Variants in ZDHHC14 observed in about 807,000 individuals in gnomAD.
ZDHHC14 encodes palmitoyltransferase ZDHHC14.
Under a neutral mutation model 47.7 loss-of-function variants are expected in ZDHHC14, and 16 were observed. That is an observed-to-expected ratio of 0.34 (90% CI 0.23 to 0.51). The LOEUF is 0.51. Ranked by LOEUF, ZDHHC14 falls within the 20% of genes least tolerant of loss-of-function variation. ZDHHC14 has a pLI of 0.97. For missense variants in ZDHHC14, 515 were observed against 662.5 expected, an observed-to-expected ratio of 0.78 and a Z score of 2.44; for synonymous variants, 293 against 278.9, an observed-to-expected ratio of 1.05 and a Z score of -0.50.
chr6:157,588,783 G>A lies in ZDHHC14; in HGVS notation c.407-4205G>A, dbSNP rs1472981091. 2.0e-5 allele frequency among the ~76,000 whole-genome samples: 3 copies of A among 152,126 alleles called. No individual in the cohort carries two copies. In the East Asian group the frequency reaches 5.8e-4, roughly 29 times the overall value. Reference sequence around the variant, plus strand: ...CACATAGGAATGTGTGGACTGGGGAGTATTTACTGGCACCCCACAGTGGGG... The same window carrying A: ...CACATAGGAATGTGTGGACTGGGGAATATTTACTGGCACCCCACAGTGGGG... On this transcript the variant is annotated intron_variant, in intron 2 of 8. Coordinates refer to ENST00000359775, the MANE Select transcript of ZDHHC14 (RefSeq NM_024630.3).
intron 3 of ZDHHC14, among the ~76,000 whole-genome samples, chr6:157,598,053 T>C (rs947240144): frequency 2.6e-5 from 4 of 152,232 alleles, no homozygotes; most frequent in Admixed American, 6.5e-5. Flanking sequence ...TGTCCCACAG[T>C]GTCTGCCCCT....
At position 157,444,920 on chromosome 6, in the gene ZDHHC14, C is replaced by A. The variant is rs373465508; in HGVS notation, c.245+62654C>A. Among the ~76,000 whole-genome samples the A allele has an allele frequency of 1.2e-3, 178 of 152,154 alleles. 2 individuals carry two copies. The South Asian group carries it at 0.034, about 29-fold the overall frequency. ...CAGGCAGGAGCATCAATGTACTGAT[C>A]AAGGCAAAGCCCAGAAGTGGGCATG... On this transcript the variant is annotated intron_variant, in intron 1 of 8. Transcript: ENST00000359775.
At chr6:157,388,846 C>T (rs368332977) in intron 1 of ZDHHC14, among the ~76,000 whole-genome samples, 2 of 152,174 alleles carry the variant, frequency 1.3e-5, no homozygotes, top group East Asian at 3.9e-4. Flanking sequence ...CACATCAATG[C>T]TTTGAGTCTA....
chr6:157,672,632 C>T (rs1374768652), intron 8 of ZDHHC14, 92 bp from the exon 9 acceptor site: 3 of 288,612 alleles, frequency 1.0e-5, no homozygotes, highest in Admixed American at 5.9e-5. Flanking sequence ...GCACCCCACC[C>T]TCCCCGCCCG....
intron 1 of ZDHHC14, among the ~76,000 whole-genome samples, chr6:157,496,462 T>G (rs1780068218): frequency 6.6e-6 from 1 of 152,212 alleles, no homozygotes; most frequent in Non-Finnish European, 1.5e-5. Flanking sequence ...TGACCTTATT[T>G]GGGACATTGG....
intron 1 of ZDHHC14, among the ~76,000 whole-genome samples, chr6:157,470,102 G>A (rs988454314): frequency 4.6e-5 from 7 of 152,200 alleles, no homozygotes; most frequent in African/African-American, 9.7e-5. Context: ...GGTACTCTCT[G>A]ATGAAAAATT....
chr6:157,622,716 G>A (rs1785243192), intron 3 of ZDHHC14, among the ~76,000 whole-genome samples: 1 of 152,098 alleles, frequency 6.6e-6, no homozygotes, highest in Non-Finnish European at 1.5e-5. Context: ...AGCCTTCTCA[G>A]AACGTATGCA....
At chr6:157,418,015 C>T (rs1355863539) in intron 1 of ZDHHC14, among the ~76,000 whole-genome samples, 3 of 151,970 alleles carry the variant, frequency 2.0e-5, no homozygotes, top group Admixed American at 1.3e-4. Context: ...CCTGTTGGTC[C>T]ATCTGCTTAG....
chr6:157,409,705 C>T (rs548139195), intron 1 of ZDHHC14, among the ~76,000 whole-genome samples: 1 of 152,344 alleles, frequency 6.6e-6, no homozygotes, highest in East Asian at 1.9e-4. Context: ...TTTCCTCCTT[C>T]CTCTTCTTCA....
At chr6:157,625,596 G>T (rs111976851) in intron 3 of ZDHHC14, among the ~76,000 whole-genome samples, 5 of 152,056 alleles carry the variant, frequency 3.3e-5, no homozygotes, top group Non-Finnish European at 5.9e-5. Flanking sequence ...GGGAGAGCAC[G>T]CAGGCTCGAG....
chr6:157,639,989 TGTC>T (rs768289757), intron 5 of ZDHHC14, among the ~76,000 whole-genome samples: 4 of 152,180 alleles, frequency 2.6e-5, no homozygotes, highest in Admixed American at 6.5e-5. Flanking sequence ...TCAATGAGAA[TGTC>T]GCAGCCTCAT....
chr6:157,648,808 G>A (rs911575596), intron 7 of ZDHHC14, among the ~76,000 whole-genome samples: 24 of 152,316 alleles, frequency 1.6e-4, no homozygotes, highest in South Asian at 4.1e-4. Context: ...TTGTCACAGC[G>A]TCCATGGTGC....
chr6:157,382,319 C>A, intron 1 of ZDHHC14, 53 bp downstream of exon 1: 1 of 1,581,362 alleles, frequency 6.3e-7, no homozygotes, highest in East Asian at 2.3e-5. Flanking sequence ...TCTCCCCTGT[C>A]CCCCGCCCCT....
intron 1 of ZDHHC14, among the ~76,000 whole-genome samples, chr6:157,540,904 G>GTA (rs1423918688): frequency 4.0e-5 from 5 of 126,230 alleles, no homozygotes; most frequent in African/African-American, 2.3e-4. Context: ...GTGTGTGTGT[G>GTA]TGTGTGTATA....
intron 2 of ZDHHC14, chr6:157,592,686 G>A: frequency 9.4e-7 from 1 of 1,068,352 alleles, no homozygotes; most frequent in Non-Finnish European, 1.2e-6. Context: ...CCTACAGGGA[G>A]GGGAGGGGGA....
Position 157,672,671 on chromosome 6 carries a change from AC to A in ZDHHC14, c.1069-51del. ...CCTGTCCCCATCCCTGTCCCTCCCC[AC>A]CTCTGCCCCCTCCTCTCCACCTTCT... is the stretch of plus-strand genomic sequence containing the variant. On this transcript the variant is annotated intron_variant, in intron 8 of 8. Transcript: ENST00000359775. 27 of 494,226 alleles carry A rather than the reference AC, an allele frequency of 5.5e-5. 2 individuals are homozygous for A. The Middle Eastern group carries it at 8.9e-3, about 163-fold the overall frequency. 30.6% of individuals were successfully genotyped at this position (494,226 alleles called of 1,614,324 possible).
At chr6:157,634,138 G>A (rs1776850538) in intron 5 of ZDHHC14, among the ~76,000 whole-genome samples, 1 of 152,052 alleles carries the variant, frequency 6.6e-6, no homozygotes, top group Non-Finnish European at 1.5e-5. Context: ...ATAATAGATG[G>A]TATCTCTTTT....
intron 5 of ZDHHC14, among the ~76,000 whole-genome samples, chr6:157,645,148 G>A (rs1221608764): frequency 7.9e-5 from 12 of 151,900 alleles, no homozygotes; most frequent in Non-Finnish European, 1.5e-4. Flanking sequence ...AAATCCCACC[G>A]CCGGTTCAGG....
Position 157,519,854 on chromosome 6 carries a change from C to A in ZDHHC14, c.246-22731C>A, listed in dbSNP as rs112760414. 7.5e-3 allele frequency among the ~76,000 whole-genome samples: 1,148 copies of A among 152,304 alleles called. 14 individuals carry two copies. Among genetic ancestry groups the A allele is most frequent in the African/African-American group, 0.026 (1,097 of 41,548 alleles). On this transcript the variant is annotated intron_variant, in intron 1 of 8. Transcript: ENST00000359775. Reference sequence around the variant, plus strand: ...TAAAATGCTAACAGACCCGTCCCTACCCCAAGGAAGTCAAAGGGTCCTGAT... The same window carrying A: ...TAAAATGCTAACAGACCCGTCCCTAACCCAAGGAAGTCAAAGGGTCCTGAT...
Sources: gnomAD v4.1 joint callset for allele counts (sites outside exome capture counted in the v4.1 genomes callset) on GRCh38, gnomAD v4.1.1 for gene constraint, MANE v1.5 for transcripts, NCBI Gene and HGNC (gene_info 2026-07-23, HGNC 2026-07-21) for gene names.